CLIP4: variants seen among roughly 807,000 people sequenced by gnomAD.
CLIP4 encodes CAP-Gly domain-containing linker protein 4.
A neutral mutation model predicts 73.1 loss-of-function variants in CLIP4; 47 were observed. The observed-to-expected ratio is 0.64, with a 90% CI of 0.51 to 0.82. The LOEUF is 0.82. CLIP4 is among the 40% of genes least tolerant of loss of function. The pLI is 0.00. For synonymous variants in CLIP4, 306 were observed against 295.4 expected (o/e 1.04, Z -0.37); for missense variants, 874 against 852.9 (o/e 1.02, Z -0.31).
chr2:29,153,322 TC>T, intron 9 of CLIP4, among the ~76,000 whole-genome samples: 1 of 152,230 alleles, frequency 6.6e-6, no homozygotes, highest in African/African-American at 2.4e-5. Context: ...TCGTATCTCT[TC>T]CCCATCTTTT....
At chr2:29,151,804 C>T (rs1230063546) in intron 8 of CLIP4, among the ~76,000 whole-genome samples, 1 of 150,366 alleles carries the variant, frequency 6.7e-6, no homozygotes, top group Non-Finnish European at 1.5e-5. Context: ...AATATCTTAG[C>T]CAGATTATTT....
At chr2:29,127,062 G>A (rs916368249) in intron 2 of CLIP4, among the ~76,000 whole-genome samples, 4 of 151,984 alleles carry the variant, frequency 2.6e-5, no homozygotes, top group Non-Finnish European at 4.4e-5. Context: ...TAATTTGTTC[G>A]CAAAATAAGT....
intron 9 of CLIP4, among the ~76,000 whole-genome samples, chr2:29,154,379 C>T (rs1309691621): frequency 3.3e-5 from 5 of 152,132 alleles, no homozygotes; most frequent in Non-Finnish European, 7.4e-5. Flanking sequence ...CCCAGGCAGT[C>T]CTACGTGGTA....
intron 14 of CLIP4, among the ~76,000 whole-genome samples, chr2:29,170,373 C>G (rs1002651410): frequency 1.3e-5 from 2 of 152,206 alleles, no homozygotes; most frequent in South Asian, 4.1e-4. Flanking sequence ...CTATTCCCAA[C>G]AGCATACAAC....
At chr2:29,164,072 G>A (rs1667455262) in intron 13 of CLIP4, 118 bp downstream of exon 13, 1 of 872,008 alleles carries the variant, frequency 1.1e-6, no homozygotes, top group African/African-American at 1.7e-5. Context: ...CTTCTTTCAA[G>A]GGGTTAACCA....
At chr2:29,114,427 G>A (rs993550580), upstream of CLIP4, 1 of 152,286 alleles carries the variant, frequency 6.6e-6, no homozygotes, top group Non-Finnish European at 1.5e-5. Flanking sequence ...AAAATCCAGT[G>A]AGGGAGAGAT....
intron 2 of CLIP4, among the ~76,000 whole-genome samples, chr2:29,122,651 A>T (rs150061562): frequency 0.011 from 1,743 of 151,976 alleles, 31 homozygotes; most frequent in African/African-American, 0.039. Context: ...AAACGTTGAA[A>T]CCCCGTCTCT....
chr2:29,107,958 T>TA (rs1668276775), intron 1 of CLIP4, among the ~76,000 whole-genome samples: 1 of 152,118 alleles, frequency 6.6e-6, no homozygotes, highest in South Asian at 2.1e-4. Flanking sequence ...ATAGCAGTGT[T>TA]AGAAATAGAC....
intron 4 of CLIP4, among the ~76,000 whole-genome samples, chr2:29,132,848 C>T (rs531562928): frequency 6.6e-6 from 1 of 152,058 alleles, no homozygotes; most frequent in Non-Finnish European, 1.5e-5. Flanking sequence ...ATTTATAATA[C>T]AAAATAAAAT....
chr2:29,131,986 G>A (rs1167822082), intron 3 of CLIP4, 166 bp from the exon 4 acceptor site: 3 of 513,778 alleles, frequency 5.8e-6, no homozygotes, highest in Non-Finnish European at 1.0e-5. Flanking sequence ...TATTGTTGTT[G>A]AGTACAGATT....
Position 29,120,507 on chromosome 2 carries a change from T to C in CLIP4, c.-15-867T>C, listed in dbSNP as rs901749755. 3.3e-5 allele frequency among the ~76,000 whole-genome samples: 5 copies of C among 152,192 alleles called. No homozygotes were observed. The South Asian group carries it at 8.3e-4, about 25-fold the overall frequency. On this transcript the variant is annotated intron_variant, in intron 1 of 15. Coordinates refer to ENST00000320081, the MANE Select transcript of CLIP4 (RefSeq NM_024692.6). Reference sequence around the variant, plus strand: ...GATTACCTATTTTTATTCTGTGCTTTCTACTGAAATAATCTAAACTCATTT... The same window carrying C: ...GATTACCTATTTTTATTCTGTGCTTCCTACTGAAATAATCTAAACTCATTT...
At chr2:29,103,108 CCTT>C (rs1269617181) in intron 1 of CLIP4, among the ~76,000 whole-genome samples, 9 of 152,272 alleles carry the variant, frequency 5.9e-5, no homozygotes, top group East Asian at 3.9e-4. Context: ...ATTTTTTCCT[CCTT>C]CTCCCTCCAA....
intron 13 of CLIP4, among the ~76,000 whole-genome samples, chr2:29,165,291 A>G (rs1326302284): frequency 6.6e-6 from 1 of 151,560 alleles, no homozygotes; most frequent in Non-Finnish European, 1.5e-5. Context: ...TTTATAAATG[A>G]AGAAAAGGAA....
rs1666989755 is a variant in CLIP4, at chr2:29,157,309, T to C, written c.1361T>C (p.Met454Thr). 1 of 1,614,132 alleles carries C rather than the reference T, an allele frequency of 6.2e-7. No individual in the cohort carries two copies. Among genetic ancestry groups the C allele is most frequent in the East Asian group, 2.2e-5 (1 of 44,880 alleles). Residue 454 changes from methionine (M) to threonine (T), a missense_variant, in exon 11 of 16, where the codon ATG becomes ACG. Physicochemically the swap from Met to Thr is moderately conservative, Grantham distance 81 (BLOSUM62 -1). Transcript: ENST00000320081. ...GCAATCAGCAGTAACAAGAAGACAA[T>C]GAGCAAAAGCCCTTCCCTTTCATCC... ...QNAISSNKKT[M>T]SKSPSLSSRA... is the part of the protein sequence containing the mutation.
chr2:29,122,217 A>G (rs983662405), intron 2 of CLIP4, among the ~76,000 whole-genome samples: 3 of 148,078 alleles, frequency 2.0e-5, no homozygotes, highest in Non-Finnish European at 4.4e-5. Context: ...GTTGTAGTAT[A>G]GTAATTCCTC....
At chr2:29,144,670 A>G (rs1666022243) in intron 7 of CLIP4, among the ~76,000 whole-genome samples, 1 of 152,016 alleles carries the variant, frequency 6.6e-6, no homozygotes, top group African/African-American at 2.4e-5. Flanking sequence ...ATTTCTCCTA[A>G]TGCTATCCCT....
chr2:29,159,172 C>T (rs2123443), intron 11 of CLIP4, among the ~76,000 whole-genome samples: 53,367 of 152,068 alleles, frequency 0.35, 10,873 homozygotes, highest in East Asian at 0.77. Context: ...ATGAGGGCCT[C>T]GGACTTACTG....
In CLIP4 at chr2:29,144,486, C is replaced by G. The variant is rs553981309; in HGVS notation, c.885+541C>G. 7.0e-3 allele frequency among the ~76,000 whole-genome samples: 1,061 copies of G among 152,162 alleles called. 21 individuals carry two copies. Among genetic ancestry groups the G allele is most frequent in the African/African-American group, 0.024 (1,007 of 41,526 alleles). On this transcript the variant is annotated intron_variant, in intron 7 of 15. Coordinates refer to ENST00000320081, the MANE Select transcript of CLIP4 (RefSeq NM_024692.6). ...TTTCCATATTGTATTCATTTATTGCCAGTTGCTTTTTAAAAATATCTCATA... is the reference window on the plus strand; with the variant it reads ...TTTCCATATTGTATTCATTTATTGCGAGTTGCTTTTTAAAAATATCTCATA...
intron 14 of CLIP4, among the ~76,000 whole-genome samples, chr2:29,168,762 T>C (rs1215509919): frequency 6.6e-6 from 1 of 151,998 alleles, no homozygotes; most frequent in Non-Finnish European, 1.5e-5. Context: ...GACCTCATGA[T>C]CCGCCTGCCT....
Sources: gnomAD v4.1 joint callset for allele counts (sites outside exome capture counted in the v4.1 genomes callset) on GRCh38, gnomAD v4.1.1 for gene constraint, MANE v1.5 for transcripts, NCBI Gene and HGNC (gene_info 2026-07-23, HGNC 2026-07-21) for gene names.